Variants in SETD7 observed in about 807,000 individuals in gnomAD.
The protein encoded by SETD7 is histone-lysine N-methyltransferase SETD7.
Under a neutral mutation model 41.8 loss-of-function variants are expected in SETD7, and 16 were observed. That is an observed-to-expected ratio of 0.38 (90% CI 0.26 to 0.58). The LOEUF is 0.58. SETD7 is among the 20% of genes least tolerant of loss of function. The pLI is 0.64. For missense variants in SETD7, 346 were observed against 459.7 expected, an observed-to-expected ratio of 0.75 and a Z score of 2.26; for synonymous variants, 163 against 169.7, an observed-to-expected ratio of 0.96 and a Z score of 0.31.
At position 139,508,302 on chromosome 4, in the gene SETD7, T is replaced by C. The variant is rs1225212414; in HGVS notation, c.*3361A>G. 4 of 152,226 alleles carry C rather than the reference T, an allele frequency of 2.6e-5. No individual in the cohort carries two copies. Among genetic ancestry groups the C allele is most frequent in the Non-Finnish European group, 5.9e-5 (4 of 68,050 alleles). 9.4% of individuals were successfully genotyped at this position (152,226 alleles called of 1,614,324 possible). A position where few individuals can be genotyped will look rare whatever the true frequency, so the allele number is the denominator to read the frequency against. On this transcript the variant is annotated 3_prime_UTR_variant, in exon 8 of 8. Coordinates refer to ENST00000274031, the MANE Select transcript of SETD7 (RefSeq NM_030648.4). ...GTTCAAAGAGCTCTTGGAAAACTAA[T>C]TTCCTTCTTAGTGTCTCAGGTAGAT...
chr4:139,537,829 AG>A (rs1450241242), intron 2 of SETD7, among the ~76,000 whole-genome samples: 1 of 152,238 alleles, frequency 6.6e-6, no homozygotes, highest in Non-Finnish European at 1.5e-5. Flanking sequence ...GCTGTACGTG[AG>A]GAAAGTTTCT....
At chr4:139,554,314 A>G (rs549151632) in intron 1 of SETD7, among the ~76,000 whole-genome samples, 5 of 152,362 alleles carry the variant, frequency 3.3e-5, no homozygotes, top group East Asian at 3.9e-4. Flanking sequence ...TCTTGGTCAC[A>G]GTCTGCAAAG....
At position 139,506,524 on chromosome 4, in the gene SETD7, A is replaced by C. The variant is rs1726708889; in HGVS notation, c.*5139T>G. The C allele has an allele frequency of 6.6e-6, 1 of 152,636 alleles. No homozygotes were observed. The highest frequency in any genetic ancestry group is 6.5e-5 in the Admixed American group (1 of 15,286). The allele number at this position is 152,636 out of a possible 1,614,324, so 9.5% of individuals were successfully genotyped here. Reference sequence around the variant, plus strand: ...GACATAATTTTCCTATGTGATAAGCAGGTATTACGTAGTCCCTGTAGCTTC... The same window carrying C: ...GACATAATTTTCCTATGTGATAAGCCGGTATTACGTAGTCCCTGTAGCTTC... On this transcript the variant is annotated 3_prime_UTR_variant, in exon 8 of 8. Transcript: ENST00000274031.
At chr4:139,505,022 AG>A (rs1372971797), downstream of SETD7, among the ~76,000 whole-genome samples, 2 of 152,148 alleles carry the variant, frequency 1.3e-5, no homozygotes, top group Non-Finnish European at 2.9e-5. Flanking sequence ...CAGGTGGAAA[AG>A]CTGATCCAAC....
intron 2 of SETD7, among the ~76,000 whole-genome samples, chr4:139,536,896 G>C (rs911678094): frequency 1.3e-5 from 2 of 152,042 alleles, no homozygotes; most frequent in Admixed American, 6.5e-5. Flanking sequence ...ACAGCTACTC[G>C]AAAGGCTGAG....
intron 3 of SETD7, among the ~76,000 whole-genome samples, chr4:139,530,777 T>C (rs1245741491): frequency 6.6e-6 from 1 of 152,256 alleles, no homozygotes; most frequent in Non-Finnish European, 1.5e-5. Context: ...TCTTCTTTCA[T>C]TTCCAAAAGG....
intron 1 of SETD7, among the ~76,000 whole-genome samples, chr4:139,554,934 T>C (rs1728213576): frequency 6.6e-6 from 1 of 152,198 alleles, no homozygotes; most frequent in Non-Finnish European, 1.5e-5. Context: ...TCAGAACTTG[T>C]GTTTATACAA....
At chr4:139,523,306 T>C (rs1300240897) in intron 5 of SETD7, 48 bp downstream of exon 5, 14 of 1,429,140 alleles carry the variant, frequency 9.8e-6, no homozygotes, top group Non-Finnish European at 1.2e-5. Context: ...ACTAGGCTTA[T>C]TTAACCTCAC....
Position 139,509,829 on chromosome 4 carries a change from T to C in SETD7, c.*1834A>G. The C allele has an allele frequency of 1.0e-6, 1 of 985,530 alleles. No homozygotes were observed. The highest frequency in any genetic ancestry group is 1.7e-5 in the African/African-American group (1 of 57,362). The allele number at this position is 985,530 out of a possible 1,614,324, so 61.0% of individuals were successfully genotyped here. On this transcript the variant is annotated 3_prime_UTR_variant, in exon 8 of 8. Transcript: ENST00000274031. ...ATTCAGTTCCTTTGGTGGGCAATCT[T>C]CCTGGAAGCACTGACAACTTCCTCT...
chr4:139,496,096 A>G (rs1726448101), exon 8 of SETD7: 3 of 324,020 alleles, frequency 9.3e-6, no homozygotes, highest in Admixed American at 9.2e-5. Flanking sequence ...TATCTCCCAT[A>G]TTAGCCTGAA....
intron 5 of SETD7, among the ~76,000 whole-genome samples, chr4:139,521,175 C>G (rs1480600721): frequency 6.6e-6 from 1 of 152,152 alleles, no homozygotes; most frequent in Non-Finnish European, 1.5e-5. Flanking sequence ...CCTGTAATGC[C>G]AGCACTTTGG....
chr4:139,552,739 C>T (rs1343088498), intron 1 of SETD7, among the ~76,000 whole-genome samples: 1 of 152,228 alleles, frequency 6.6e-6, no homozygotes, highest in Admixed American at 6.5e-5. Flanking sequence ...AAGTTCCCCT[C>T]TCAACCTGAC....
intron 2 of SETD7, among the ~76,000 whole-genome samples, chr4:139,538,774 TAAG>T (rs1170222436): frequency 1.3e-5 from 2 of 152,210 alleles, no homozygotes; most frequent in African/African-American, 4.8e-5. Flanking sequence ...TTTAGTATGT[TAAG>T]AAATTACAAA....
At chr4:139,527,876 C>CA in intron 4 of SETD7, among the ~76,000 whole-genome samples, 1 of 152,166 alleles carries the variant, frequency 6.6e-6, no homozygotes, top group South Asian at 2.1e-4. Flanking sequence ...CTTAAAAAAA[C>CA]AAAAAAGACA....
chr4:139,495,239 A>T (rs189559309), downstream of SETD7, among the ~76,000 whole-genome samples: 9 of 152,348 alleles, frequency 5.9e-5, no homozygotes, highest in African/African-American at 2.2e-4. Context: ...TTGTTTCTCC[A>T]GAAATTCAAG....
At position 139,511,246 on chromosome 4, in the gene SETD7, C is replaced by T. The variant is rs552481833; in HGVS notation, c.*417G>A. 28 of 208,364 alleles carry T rather than the reference C, an allele frequency of 1.3e-4. No homozygotes were observed. The highest frequency in any genetic ancestry group is 6.2e-4 in the African/African-American group (26 of 41,956). The allele number at this position is 208,364 out of a possible 1,614,324, so 12.9% of individuals were successfully genotyped here. A position where few individuals can be genotyped will look rare whatever the true frequency, so the allele number is the denominator to read the frequency against. On this transcript the variant is annotated 3_prime_UTR_variant, in exon 8 of 8. Coordinates refer to ENST00000274031, the MANE Select transcript of SETD7 (RefSeq NM_030648.4). ...ATGTAGTAATTGTCAACCCTTAATA[C>T]GGCACATATGCAAGTGTGCTAACAC...
At chr4:139,521,116 C>A (rs1727169853) in intron 5 of SETD7, among the ~76,000 whole-genome samples, 1 of 152,088 alleles carries the variant, frequency 6.6e-6, no homozygotes, top group South Asian at 2.1e-4. Context: ...AAAAAGTTTG[C>A]CAACCACTGG....
Position 139,542,299 on chromosome 4 carries a change from G to C in SETD7, c.170+4621C>G, listed in dbSNP as rs554159869. ...GTCAACAGGTACAAAGTTACAGTTA[G>C]ATAGCAAGAATAAGTTCTGGTGTTC... On this transcript the variant is annotated intron_variant, in intron 2 of 7. Coordinates refer to ENST00000274031, the MANE Select transcript of SETD7 (RefSeq NM_030648.4). Among the ~76,000 whole-genome samples the C allele has an allele frequency of 3.3e-5, 5 of 152,298 alleles. No individual in the cohort carries two copies. In the East Asian group the frequency reaches 9.6e-4, roughly 29 times the overall value.
chr4:139,540,975 C>T (rs1028152488), intron 2 of SETD7, among the ~76,000 whole-genome samples: 17 of 152,162 alleles, frequency 1.1e-4, no homozygotes, highest in South Asian at 2.1e-4. Flanking sequence ...GCTCATCAGA[C>T]GGGTGACCTT....
Sources: allele counts gnomAD v4.1 joint callset (sites outside exome capture counted in the v4.1 genomes callset), GRCh38; gene constraint gnomAD v4.1.1; transcripts MANE v1.5; gene names NCBI Gene and HGNC (gene_info 2026-07-23, HGNC 2026-07-21).